JRK: variants seen among roughly 807,000 people sequenced by gnomAD.
The protein encoded by JRK is Jrk helix-turn-helix protein, also known as jerky protein homolog.
For missense variants in JRK, 720 were observed against 509.2 expected (o/e 1.41, Z -3.98); for synonymous variants, 303 against 218.1 (o/e 1.39, Z -3.43).
Position 142,659,052 on chromosome 8 carries a change from T to G in JRK, c.*5300A>C. ...GGAGAATGGTGGAGGAAGAATGGAT[T>G]CCTAGTGTATTTTTTCTCTTCAGAA... On this transcript the variant is annotated 3_prime_UTR_variant, in exon 2 of 2. Coordinates refer to ENST00000612905, the MANE Select transcript of JRK (RefSeq NM_003724.4). 1 of 1,449,228 alleles carries G rather than the reference T, an allele frequency of 6.9e-7. No homozygotes were observed. Among genetic ancestry groups the G allele is most frequent in the African/African-American group, 1.4e-5 (1 of 70,292 alleles). 89.8% of individuals were successfully genotyped at this position (1,449,228 alleles called of 1,614,324 possible). A position where few individuals can be genotyped will look rare whatever the true frequency, so the allele number is the denominator to read the frequency against.
the JRK span, among the ~76,000 whole-genome samples, chr8:142,643,786 T>C: frequency 6.6e-6 from 1 of 152,238 alleles, no homozygotes; most frequent in Admixed American, 6.5e-5. Context: ...TTTCTCCAAG[T>C]GTGTCCTCTT....
At position 142,663,842 on chromosome 8, in the gene JRK, T is replaced by C. The variant is rs1554634971; in HGVS notation, c.*510A>G. Reference sequence around the variant, plus strand: ...GTCCCAGCTCTCGGGCCATCGGACCTCAGGCAACCGTGCTCGGGGTCCACC... The same window carrying C: ...GTCCCAGCTCTCGGGCCATCGGACCCCAGGCAACCGTGCTCGGGGTCCACC... On this transcript the variant is annotated 3_prime_UTR_variant, in exon 2 of 2. Coordinates refer to ENST00000612905, the MANE Select transcript of JRK (RefSeq NM_003724.4). 2.0e-6 allele frequency: 2 copies of C among 987,314 alleles called. No homozygotes were observed. Among genetic ancestry groups the C allele is most frequent in the African/African-American group, 1.7e-5 (1 of 57,354 alleles). The allele number at this position is 987,314 out of a possible 1,614,324, so 61.2% of individuals were successfully genotyped here.
the JRK span, among the ~76,000 whole-genome samples, chr8:142,644,827 A>C: frequency 6.6e-6 from 1 of 152,224 alleles, no homozygotes; most frequent in Non-Finnish European, 1.5e-5. Flanking sequence ...TTTAATCTTG[A>C]CCATAAGATA....
Position 142,664,312 on chromosome 8 carries a change from G to T in JRK, c.*40C>A. On this transcript the variant is annotated 3_prime_UTR_variant, in exon 2 of 2. Transcript: ENST00000612905. ...GGACCATGCCACTCCAGGGTGTGGG[G>T]AGAAACAGGGCCAGTGGCCAGGGCA... 6.6e-7 allele frequency: 1 copy of T among 1,517,158 alleles called. No individual in the cohort carries two copies. Among genetic ancestry groups the T allele is most frequent in the Non-Finnish European group, 8.8e-7 (1 of 1,131,350 alleles). 94.0% of individuals were successfully genotyped at this position (1,517,158 alleles called of 1,614,324 possible). A position where few individuals can be genotyped will look rare whatever the true frequency, so the allele number is the denominator to read the frequency against.
chr8:142,666,039 G>T lies in JRK; in HGVS notation c.20C>A (p.Ala7Asp). The stretch of plus-strand genomic sequence containing the variant: ...CCGCTTCTCCCCTCTGCTCTTCCCG[G>T]CAGCCGGCTTGGAGGCCATGGGGAG... MASKPA[A>D]GKSRGEKRKR... is the part of the protein sequence containing the mutation. The change falls in exon 2 of 2, where the codon GCC (alanine) becomes GAC (aspartate). Residue 7 changes from alanine (A) to aspartate (D), a missense_variant. By Grantham distance (126) the Ala-to-Asp change is moderately radical. Transcript: ENST00000612905. 1.3e-6 allele frequency: 2 copies of T among 1,594,542 alleles called. No individual in the cohort carries two copies. The highest frequency in any genetic ancestry group is 1.7e-6 in the Non-Finnish European group (2 of 1,163,992).
Position 142,666,048 on chromosome 8 carries a change from T to C in JRK, c.11A>G (p.Lys4Arg). Residue 4 changes from lysine (K) to arginine (R), a missense_variant, in exon 2 of 2, where the codon AAG becomes AGG. By Grantham distance (26) the Lys-to-Arg change is conservative. Coordinates refer to ENST00000612905, the MANE Select transcript of JRK (RefSeq NM_003724.4). ...CCCTCTGCTCTTCCCGGCAGCCGGCTTGGAGGCCATGGGGAGGGGTGGCTG... is the reference window on the plus strand; with the variant it reads ...CCCTCTGCTCTTCCCGGCAGCCGGCCTGGAGGCCATGGGGAGGGGTGGCTG... MAS[K>R]PAAGKSRGEK... is the part of the protein sequence containing the mutation. The C allele has an allele frequency of 1.2e-6, 2 of 1,606,696 alleles. No homozygotes were observed. Among genetic ancestry groups the C allele is most frequent in the South Asian group, 1.1e-5 (1 of 90,338 alleles).
chr8:142,665,464 G>C lies in JRK; in HGVS notation c.595C>G (p.Pro199Ala). Residue 199 changes from proline (P) to alanine (A), a missense_variant, in exon 2 of 2, where the codon CCC (proline) becomes GCC (alanine). Coordinates refer to ENST00000612905, the MANE Select transcript of JRK (RefSeq NM_003724.4). The part of the protein sequence containing the change: ...TGLFWRCLPN[P>A]TPEGGAVPGP... ...GGCACAGCCCCGCCTTCCGGAGTGG[G>C]ATTTGGCAGGCACCGCCAGAAAAGG... 1 of 717,974 alleles carries C rather than the reference G, an allele frequency of 1.4e-6. No homozygotes were observed. The highest frequency in any genetic ancestry group is 2.6e-6 in the Non-Finnish European group (1 of 385,100). The allele number at this position is 717,974 out of a possible 1,614,324, so 44.5% of individuals were successfully genotyped here.
At chr8:142,656,882 A>T (rs1846764370), downstream of JRK, among the ~76,000 whole-genome samples, 1 of 152,130 alleles carries the variant, frequency 6.6e-6, no homozygotes, top group Non-Finnish European at 1.5e-5. Flanking sequence ...GGTGAAGCCC[A>T]CTAAGAGTTG....
chr8:142,660,833 T>C lies in JRK; in HGVS notation c.*3519A>G, dbSNP rs1486141519. The C allele has an allele frequency of 1.0e-6, 1 of 985,618 alleles. No individual in the cohort carries two copies. Among genetic ancestry groups the C allele is most frequent in the South Asian group, 4.7e-5 (1 of 21,286 alleles). The allele number at this position is 985,618 out of a possible 1,614,324, so 61.1% of individuals were successfully genotyped here. Reference sequence around the variant, plus strand: ...AAGAATGGATGCAGTCTACACCTTCTGCAAACCCCTGCCTCAAACCGTGTC... The same window carrying C: ...AAGAATGGATGCAGTCTACACCTTCCGCAAACCCCTGCCTCAAACCGTGTC... On this transcript the variant is annotated 3_prime_UTR_variant, in exon 2 of 2. Coordinates refer to ENST00000612905, the MANE Select transcript of JRK (RefSeq NM_003724.4).
chr8:142,646,713 GTATT>G, the JRK span, among the ~76,000 whole-genome samples: 3 of 151,656 alleles, frequency 2.0e-5, no homozygotes, highest in African/African-American at 7.3e-5. Context: ...GGTTTGATTA[GTATT>G]TTTTTCCTGA....
downstream of JRK, among the ~76,000 whole-genome samples, chr8:142,655,595 C>T (rs4644221): frequency 0.6 from 90,638 of 151,912 alleles, 28,338 homozygotes; most frequent in Admixed American, 0.69. Context: ...TGGAGTAAAA[C>T]GGCTCCGGAC....
chr8:142,647,151 GTTC>G, the JRK span, among the ~76,000 whole-genome samples: 1 of 152,094 alleles, frequency 6.6e-6, no homozygotes, highest in Non-Finnish European at 1.5e-5. Flanking sequence ...GATTACCTAC[GTTC>G]TTAACTGGAT....
intron 1 of JRK, among the ~76,000 whole-genome samples, chr8:142,667,682 T>A (rs1251790882): frequency 6.6e-6 from 1 of 152,226 alleles, no homozygotes; most frequent in African/African-American, 2.4e-5. Flanking sequence ...AGCTTGCTTT[T>A]AAGTTTCACA....
Position 142,665,209 on chromosome 8 carries a change from T to C in JRK, c.850A>G (p.Arg284Gly), listed in dbSNP as rs1554635580. Residue 284 changes from arginine to glycine, a missense_variant, in exon 2 of 2, where the codon AGA (arginine) becomes GGA (glycine). Coordinates refer to ENST00000612905, the MANE Select transcript of JRK (RefSeq NM_003724.4). ...IFVPSVREHF[R>G]TIGLPEDSKA... The stretch of plus-strand genomic sequence containing the variant: ...CTGTCTTCCGGCAAACCTATGGTTC[T>C]GAAGTGCTCTCTCACCGAGGGCACA... 3 of 717,906 alleles carry C rather than the reference T, an allele frequency of 4.2e-6. No homozygotes were observed. The highest frequency in any genetic ancestry group is 7.8e-6 in the Non-Finnish European group (3 of 385,072). 44.5% of individuals were successfully genotyped at this position (717,906 alleles called of 1,614,324 possible). A position where few individuals can be genotyped will look rare whatever the true frequency, so the allele number is the denominator to read the frequency against.
rs1357294024 is a variant in JRK, at chr8:142,659,938, G to A, written c.*4414C>T. 33 of 985,484 alleles carry A rather than the reference G, an allele frequency of 3.3e-5. No homozygotes were observed. Among genetic ancestry groups the A allele is most frequent in the Non-Finnish European group, 4.0e-5 (33 of 830,020 alleles). The allele number at this position is 985,484 out of a possible 1,614,324, so 61.0% of individuals were successfully genotyped here. A position where few individuals can be genotyped will look rare whatever the true frequency, so the allele number is the denominator to read the frequency against. ...CTGCCCTGCAAGGGAAACAACAGATGTGCAAGGTCTGAGGGTCCATGTGTA... is the reference window on the plus strand; with the variant it reads ...CTGCCCTGCAAGGGAAACAACAGATATGCAAGGTCTGAGGGTCCATGTGTA... On this transcript the variant is annotated 3_prime_UTR_variant, in exon 2 of 2. Coordinates refer to ENST00000612905, the MANE Select transcript of JRK (RefSeq NM_003724.4).
At chr8:142,647,931 T>C in the JRK span, among the ~76,000 whole-genome samples, 1 of 152,154 alleles carries the variant, frequency 6.6e-6, no homozygotes, top group African/African-American at 2.4e-5. Flanking sequence ...GACAATAAAG[T>C]CCAGGCTGAG....
At chr8:142,647,003 C>T in the JRK span, among the ~76,000 whole-genome samples, 83,575 of 152,032 alleles carry the variant, frequency 0.55, 24,271 homozygotes, top group Admixed American at 0.67. Flanking sequence ...AAAAATCAGA[C>T]GGCAGAATTT....
Position 142,666,364 on chromosome 8 carries a change from T to A in JRK, c.-306A>T. 1 of 495,954 alleles carries A rather than the reference T, an allele frequency of 2.0e-6. No individual in the cohort carries two copies. Among genetic ancestry groups the A allele is most frequent in the South Asian group, 2.1e-5 (1 of 47,234 alleles). The allele number at this position is 495,954 out of a possible 1,614,324, so 30.7% of individuals were successfully genotyped here. On this transcript the variant is annotated 5_prime_UTR_variant, in exon 2 of 2. Coordinates refer to ENST00000612905, the MANE Select transcript of JRK (RefSeq NM_003724.4). Reference sequence around the variant, plus strand: ...GTGACCCTGTCAGACTCCCCTCTGCTGCTCCACACGGCTGGAACTCCGGCC... The same window carrying A: ...GTGACCCTGTCAGACTCCCCTCTGCAGCTCCACACGGCTGGAACTCCGGCC...
intron 1 of JRK, among the ~76,000 whole-genome samples, chr8:142,668,316 T>C (rs1449205820): frequency 3.3e-5 from 5 of 152,376 alleles, no homozygotes; most frequent in African/African-American, 1.2e-4. Context: ...TATAGGCTTG[T>C]TGGCTGCCAC....
Sources: allele counts gnomAD v4.1 joint callset (sites outside exome capture counted in the v4.1 genomes callset), GRCh38; gene constraint gnomAD v4.1.1; transcripts MANE v1.5; gene names NCBI Gene and HGNC (gene_info 2026-07-23, HGNC 2026-07-21).